The following EYS variants were observed in gnomAD, a reference collection of about 807,000 sequenced individuals.
The protein encoded by EYS is EGF-like photoreceptor maintenance factor, also known as protein eyes shut homolog.
A neutral mutation model predicts 282.1 loss-of-function variants in EYS; 250 were observed. The ratio of observed to expected loss-of-function variants is 0.89; its 90% CI spans 0.80 to 0.98. EYS has a LOEUF of 0.98. EYS is among the 50% of genes least tolerant of loss of function. The pLI is 0.00. For missense variants in EYS, 4,016 were observed against 3,709.0 expected (o/e 1.08, Z -2.15); for synonymous variants, 1,355 against 1,282.9 (o/e 1.06, Z -1.20).
At chr6:65,143,245 A>G (rs973464526) in intron 12 of EYS, among the ~76,000 whole-genome samples, 1 of 147,608 alleles carries the variant, frequency 6.8e-6, no homozygotes, top group African/African-American at 2.6e-5. Flanking sequence ...CCTTAAAAGC[A>G]TTATACAGAC....
chr6:64,014,623 C>T (rs1019662535), intron 33 of EYS, among the ~76,000 whole-genome samples: 16 of 152,024 alleles, frequency 1.1e-4, no homozygotes, highest in African/African-American at 3.9e-4. Flanking sequence ...ACTCTCTGAG[C>T]CAAAGTTGTA....
At chr6:63,881,803 G>A (rs1011679601) in intron 35 of EYS, among the ~76,000 whole-genome samples, 4 of 151,994 alleles carry the variant, frequency 2.6e-5, no homozygotes, top group African/African-American at 9.7e-5. Context: ...GAAAATCTTG[G>A]TTTATATTAG....
At position 63,814,257 on chromosome 6, in the gene EYS, C is replaced by T. The variant is rs1051005612; in HGVS notation, c.7229-7885G>A. 7.9e-5 allele frequency among the ~76,000 whole-genome samples: 12 copies of T among 152,230 alleles called. No homozygotes were observed. The East Asian group carries it at 2.1e-3, about 27-fold the overall frequency. On this transcript the variant is annotated intron_variant, in intron 36 of 42. Coordinates refer to ENST00000503581, the MANE Select transcript of EYS (RefSeq NM_001142800.2). Reference sequence around the variant, plus strand: ...TAAAGGGAATAGAAATAAATATGTCCGGAGATATCGCCAACAGTTATAGGT... The same window carrying T: ...TAAAGGGAATAGAAATAAATATGTCTGGAGATATCGCCAACAGTTATAGGT...
intron 14 of EYS, among the ~76,000 whole-genome samples, chr6:64,949,205 G>C (rs1769396650): frequency 6.6e-6 from 1 of 151,782 alleles, no homozygotes; most frequent in Non-Finnish European, 1.5e-5. Context: ...TAAATGTATT[G>C]TCTCACAGTT....
At chr6:65,043,510 C>T (rs7763915) in intron 13 of EYS, among the ~76,000 whole-genome samples, 7,200 of 151,330 alleles carry the variant, frequency 0.048, 280 homozygotes, top group East Asian at 0.15. Flanking sequence ...CTTTTTGAAG[C>T]TTTGTACCCT....
intron 12 of EYS, among the ~76,000 whole-genome samples, chr6:65,165,749 T>C (rs866431038): frequency 6.6e-6 from 1 of 151,060 alleles, no homozygotes; most frequent in African/African-American, 2.4e-5. Flanking sequence ...GAAAAAAAAG[T>C]AAGACAACTT....
Position 64,820,070 on chromosome 6 carries a change from G to A in EYS, c.3243+1575C>T, listed in dbSNP as rs558392728. On this transcript the variant is annotated intron_variant, in intron 21 of 42. Coordinates refer to ENST00000503581, the MANE Select transcript of EYS (RefSeq NM_001142800.2). ...TTCATTTAATAGGATCTAGGTAAGC[G>A]GTGTGCTCATACTCTCATCAGGTAA... Among the ~76,000 whole-genome samples, 10 of 151,982 alleles carry A rather than the reference G, an allele frequency of 6.6e-5. No homozygotes were observed. In the South Asian group the frequency reaches 8.3e-4, roughly 13 times the overall value.
chr6:65,243,745 A>G (rs1158742029), intron 12 of EYS, among the ~76,000 whole-genome samples: 1 of 152,056 alleles, frequency 6.6e-6, no homozygotes, highest in Admixed American at 6.6e-5. Context: ...TTTCTACAGA[A>G]AAATAAGAAA....
chr6:64,179,512 C>T (rs993924106), intron 31 of EYS, among the ~76,000 whole-genome samples: 34 of 152,012 alleles, frequency 2.2e-4, no homozygotes, highest in African/African-American at 7.5e-4. Flanking sequence ...GATATTCACA[C>T]GGCTTCAATA....
chr6:63,735,248 T>C (rs1174926290), intron 41 of EYS, among the ~76,000 whole-genome samples: 1 of 152,086 alleles, frequency 6.6e-6, no homozygotes, highest in Non-Finnish European at 1.5e-5. Context: ...AAAATCATTT[T>C]GTGCAATGGA....
intron 12 of EYS, among the ~76,000 whole-genome samples, chr6:65,134,649 G>A (rs891917245): frequency 5.3e-5 from 8 of 151,852 alleles, no homozygotes; most frequent in African/African-American, 1.5e-4. Flanking sequence ...GTAACTATTG[G>A]GTACTAGGCT....
intron 36 of EYS, among the ~76,000 whole-genome samples, chr6:63,858,176 A>G (rs1772441769): frequency 6.6e-6 from 1 of 152,216 alleles, no homozygotes; most frequent in African/African-American, 2.4e-5. Flanking sequence ...CCTGGTATCA[A>G]TAAATTTATA....
chr6:65,390,248 A>C (rs1428791996), intron 7 of EYS, among the ~76,000 whole-genome samples: 1 of 151,538 alleles, frequency 6.6e-6, no homozygotes, highest in Non-Finnish European at 1.5e-5. Context: ...AAAGTTATCA[A>C]AAAATATGAC....
intron 12 of EYS, among the ~76,000 whole-genome samples, chr6:65,279,167 C>T (rs569164840): frequency 7.9e-5 from 12 of 151,682 alleles, no homozygotes; most frequent in South Asian, 2.1e-4. Context: ...TCACCCTGGG[C>T]GACAGAGTGA....
At chr6:65,107,420 T>G (rs1775073009) in intron 12 of EYS, among the ~76,000 whole-genome samples, 1 of 151,908 alleles carries the variant, frequency 6.6e-6, no homozygotes, top group South Asian at 2.1e-4. Context: ...TGATTGGCTC[T>G]TGGGAACATA....
rs368932132 is a variant in EYS, at chr6:65,495,861, C to T, written c.-200G>A. 81 of 172,616 alleles carry T rather than the reference C, an allele frequency of 4.7e-4. No individual in the cohort carries two copies. The East Asian group carries it at 6.6e-3, about 14-fold the overall frequency. The allele number at this position is 172,616 out of a possible 1,614,324, so 10.7% of individuals were successfully genotyped here. A position where few individuals can be genotyped will look rare whatever the true frequency, so the allele number is the denominator to read the frequency against. ...ACATAATTAAGCCAGCAACTTACTG[C>T]GGTCTTTTGTGTTTTCTCTTTACAC... On this transcript the variant is annotated splice_region_variant and 5_prime_UTR_variant, in exon 3 of 43. Transcript: ENST00000503581.
At chr6:64,999,478 G>C (rs763834315) in intron 13 of EYS, among the ~76,000 whole-genome samples, 18 of 152,064 alleles carry the variant, frequency 1.2e-4, no homozygotes, top group African/African-American at 2.9e-4. Flanking sequence ...GGAAGTGCTG[G>C]GTAGAGGAGG....
chr6:65,021,239 G>A (rs964483395), intron 13 of EYS, among the ~76,000 whole-genome samples: 6 of 152,108 alleles, frequency 3.9e-5, no homozygotes, highest in African/African-American at 7.2e-5. Context: ...TTTATGCTCC[G>A]CTTCCTTTTG....
Position 64,499,291 on chromosome 6 carries a change from C to A in EYS, c.5645-59939G>T, listed in dbSNP as rs1385786640. On this transcript the variant is annotated intron_variant, in intron 26 of 42. Transcript: ENST00000503581. ...TCCCACCAAATCTGCTCTCCAAACA[C>A]GGAGACTGTGTCATGTTATTTTATG... Among the ~76,000 whole-genome samples the A allele has an allele frequency of 2.6e-5, 4 of 152,188 alleles. No individual in the cohort carries two copies. The East Asian group carries it at 7.7e-4, about 29-fold the overall frequency.
Sources: gnomAD v4.1 joint callset for allele counts (sites outside exome capture counted in the v4.1 genomes callset) on GRCh38, gnomAD v4.1.1 for gene constraint, MANE v1.5 for transcripts, NCBI Gene and HGNC (gene_info 2026-07-23, HGNC 2026-07-21) for gene names.